The following DOP1A variants were observed in gnomAD, a reference collection of about 807,000 sequenced individuals.
The protein encoded by DOP1A is protein DOP1A.
DOP1A carries 90 observed loss-of-function variants against 267.6 expected under a neutral mutation model. The observed-to-expected ratio is 0.34, with a 90% confidence interval of 0.28 to 0.40. The LOEUF (loss-of-function observed/expected upper bound fraction) is 0.40, where lower values mean the gene tolerates loss of function less well. Ranked by LOEUF, DOP1A falls within the 10% of genes least tolerant of loss-of-function variation. The probability of loss-of-function intolerance (pLI) is 1.00; values close to 1 mark genes in which losing one functional copy is unlikely to be tolerated. For missense variants in DOP1A, 2,437 were observed against 2,900.4 expected, an observed-to-expected ratio of 0.84 and a Z score of 3.67; for synonymous variants, 932 against 999.1, an observed-to-expected ratio of 0.93 and a Z score of 1.27.
At chr6:83,129,797 T>C (rs1248257043) in intron 16 of DOP1A, among the ~76,000 whole-genome samples, 3 of 152,184 alleles carry the variant, frequency 2.0e-5, no homozygotes, top group Non-Finnish European at 4.4e-5. Flanking sequence ...TTATGACCAG[T>C]AACATATGTA....
intron 7 of DOP1A, among the ~76,000 whole-genome samples, chr6:83,114,098 C>T (rs548354322): frequency 6.6e-6 from 1 of 152,166 alleles, no homozygotes; most frequent in East Asian, 1.9e-4. Context: ...CTAAAAAGGA[C>T]TATTATTTGA....
At chr6:83,165,935 G>T in intron 38 of DOP1A, 1 of 382,670 alleles carries the variant, frequency 2.6e-6, no homozygotes, top group Non-Finnish European at 5.2e-6. Context: ...GATCAGACTG[G>T]CAGCAAACCA....
Position 83,151,656 on chromosome 6 carries a change from T to G in DOP1A, c.5901T>G (p.Leu1967=), listed in dbSNP as rs1781700816. ...SLENKKDQRD[L]QDVTHKIVDA... ...AAAATAAAAAAGACCAAAGAGACCTTCAGGTAAGGCAGTCTAAGAGCTGTT... is the reference window on the plus strand; with the variant it reads ...AAAATAAAAAAGACCAAAGAGACCTGCAGGTAAGGCAGTCTAAGAGCTGTT... The change falls in exon 28 of 39, where the codon CTT becomes CTG. Residue 1967 remains leucine, a synonymous_variant. Transcript: ENST00000349129. 1 of 1,607,770 alleles carries G rather than the reference T, an allele frequency of 6.2e-7. No individual in the cohort carries two copies. Among genetic ancestry groups the G allele is most frequent in the South Asian group, 1.1e-5 (1 of 89,334 alleles).
At chr6:83,083,107 C>T (rs2128043615) in intron 1 of DOP1A, among the ~76,000 whole-genome samples, 1 of 151,246 alleles carries the variant, frequency 6.6e-6, no homozygotes, top group African/African-American at 2.4e-5. Context: ...CATGCCTGGC[C>T]AAAAACCCAC....
chr6:83,159,544 G>A (rs1346803519), intron 36 of DOP1A, among the ~76,000 whole-genome samples: 1 of 152,088 alleles, frequency 6.6e-6, no homozygotes, highest in African/African-American at 2.4e-5. Context: ...ACCCGCCTTG[G>A]CATCCCAAAA....
chr6:83,153,268 T>C, intron 30 of DOP1A: 1 of 275,606 alleles, frequency 3.6e-6, no homozygotes, highest in Non-Finnish European at 6.6e-6. Flanking sequence ...CTCTTTTCTT[T>C]TTTGTACTTC....
chr6:83,122,836 T>C (rs767971740), intron 11 of DOP1A, 27 bp from the exon 12 acceptor site: 30 of 1,413,844 alleles, frequency 2.1e-5, no homozygotes, highest in Non-Finnish European at 2.8e-5. Flanking sequence ...TATTTTTTAG[T>C]TTTTGTTTTC....
chr6:83,068,429 C>T (rs535354109), intron 1 of DOP1A, among the ~76,000 whole-genome samples: 9 of 152,090 alleles, frequency 5.9e-5, no homozygotes, highest in Non-Finnish European at 1.3e-4. Flanking sequence ...CTGAGGGGGG[C>T]GGGGAATGGC....
chr6:83,136,595 C>G (rs1778896348), intron 20 of DOP1A, among the ~76,000 whole-genome samples: 1 of 152,100 alleles, frequency 6.6e-6, no homozygotes, highest in Non-Finnish European at 1.5e-5. Flanking sequence ...TGAAACCAAA[C>G]TGTCATAGTC....
At chr6:83,122,106 A>G in intron 11 of DOP1A, 56 bp downstream of exon 11, 2 of 1,580,828 alleles carry the variant, frequency 1.3e-6, no homozygotes, top group Non-Finnish European at 1.7e-6. Flanking sequence ...TTCACTTAAT[A>G]TAAACTTGAA....
At chr6:83,121,142 C>T (rs1187249953) in intron 10 of DOP1A, among the ~76,000 whole-genome samples, 2 of 151,756 alleles carry the variant, frequency 1.3e-5, no homozygotes, top group African/African-American at 4.8e-5. Context: ...AGTTATATCC[C>T]TCAGCTTTCT....
At chr6:83,125,464 T>G in intron 14 of DOP1A, 36 bp from the exon 15 acceptor site, 1 of 1,589,414 alleles carries the variant, frequency 6.3e-7, no homozygotes, top group Non-Finnish European at 8.6e-7. Context: ...GGGTTCCACA[T>G]TGTTTAAACT....
chr6:83,148,913 G>T, intron 27 of DOP1A, 50 bp downstream of exon 27: 1 of 1,124,666 alleles, frequency 8.9e-7, no homozygotes, highest in African/African-American at 1.6e-5. Flanking sequence ...AATGTTAATT[G>T]TCCTAGTTGC....
intron 23 of DOP1A, among the ~76,000 whole-genome samples, chr6:83,141,520 A>G (rs983486197): frequency 6.6e-6 from 1 of 152,220 alleles, no homozygotes; most frequent in Non-Finnish European, 1.5e-5. Context: ...CATTTGATCT[A>G]AGTTTTGATG....
chr6:83,154,935 T>C (rs970341714), intron 33 of DOP1A, among the ~76,000 whole-genome samples: 1 of 152,244 alleles, frequency 6.6e-6, no homozygotes, highest in African/African-American at 2.4e-5. Context: ...CTGTTTTATC[T>C]TCATAAGGTT....
chr6:83,113,352 C>G lies in DOP1A; in HGVS notation c.711C>G (p.Asp237Glu), dbSNP rs1372573151. The change falls in exon 7 of 39, where the codon GAC (aspartate) becomes GAG (glutamate). Residue 237 changes from aspartate to glutamate, a missense_variant. By Grantham distance (45) the Asp-to-Glu change is conservative (BLOSUM62 2). Around this residue, in one of 9 missense-constraint regions of DOP1A, gnomAD observed 251 missense variants for 359.1 expected, o/e 0.70. Transcript: ENST00000349129. ...MVEAVSTSVQ[D>E]SSVLVQRSTL... ...AAGCAGTAAGTACTTCAGTGCAGGACTCAAGTGTACTTGTACAGAGAAGCA... is the reference window on the plus strand; with the variant it reads ...AAGCAGTAAGTACTTCAGTGCAGGAGTCAAGTGTACTTGTACAGAGAAGCA... 1 of 1,613,634 alleles carries G rather than the reference C, an allele frequency of 6.2e-7. No individual in the cohort carries two copies. Among genetic ancestry groups the G allele is most frequent in the Admixed American group, 1.7e-5 (1 of 60,010 alleles).
intron 4 of DOP1A, among the ~76,000 whole-genome samples, chr6:83,103,252 C>T (rs761470892): frequency 3.9e-5 from 6 of 152,150 alleles, no homozygotes; most frequent in East Asian, 3.9e-4. Context: ...AAACAAACAT[C>T]GTATGTTCTC....
intron 7 of DOP1A, among the ~76,000 whole-genome samples, chr6:83,117,982 G>T (rs1348730000): frequency 6.6e-6 from 1 of 152,188 alleles, no homozygotes; most frequent in African/African-American, 2.4e-5. Context: ...ATAGGACAAA[G>T]TTCACTGGTC....
rs1161233789 is a variant in DOP1A, at chr6:83,130,384, C to T, written c.2603C>T (p.Thr868Ile). The T allele has an allele frequency of 1.2e-6, 2 of 1,611,472 alleles. No individual in the cohort carries two copies. Among genetic ancestry groups the T allele is most frequent in the Non-Finnish European group, 1.7e-6 (2 of 1,178,938 alleles). ...QGNLRYIAEK[T>I]EFFKHVALTL... The stretch of plus-strand genomic sequence containing the variant: ...AATCTGAGGTACATAGCTGAGAAGA[C>T]TGAATTTTTCAAGGTAAATTCTAAG... The change falls in exon 17 of 39, where the codon ACT becomes ATT. Residue 868 changes from threonine (T) to isoleucine (I), a missense_variant. Thr to Ile is a moderately conservative substitution (Grantham distance 89). This residue lies in a region of DOP1A where 878 missense variants were observed against 992.9 expected (regional missense o/e 0.88). Coordinates refer to ENST00000349129, the MANE Select transcript of DOP1A (RefSeq NM_015018.4).
Sources: gnomAD v4.1 joint callset for allele counts (sites outside exome capture counted in the v4.1 genomes callset) on GRCh38, gnomAD v4.1.1 for gene constraint, gnomAD v4.1.1 regional missense constraint, MANE v1.5 for transcripts, NCBI Gene and HGNC (gene_info 2026-07-23, HGNC 2026-07-21) for gene names.